SLC5A4: variants seen among roughly 807,000 people sequenced by gnomAD.
SLC5A4 encodes solute carrier family 5 member 4, also known as probable glucose sensor protein SLC5A4.
A neutral mutation model predicts 70.3 loss-of-function variants in SLC5A4; 55 were observed. The observed-to-expected ratio is 0.78, with a 90% CI of 0.63 to 0.98. SLC5A4 has a LOEUF of 0.98. SLC5A4 is among the 50% of genes least tolerant of loss of function. SLC5A4 has a pLI of 0.00. For synonymous variants in SLC5A4, 268 were observed against 305.7 expected (o/e 0.88, Z 1.29); for missense variants, 735 against 839.2 (o/e 0.88, Z 1.53).
intron 6 of SLC5A4, among the ~76,000 whole-genome samples, chr22:32,238,528 A>T (rs1569373849): frequency 6.6e-6 from 1 of 152,128 alleles, no homozygotes; most frequent in Admixed American, 6.5e-5. Context: ...ATTGTCACAG[A>T]TCGTCTCCCG....
chr22:32,307,563 G>A, the SLC5A4 span, among the ~76,000 whole-genome samples: 2 of 152,188 alleles, frequency 1.3e-5, no homozygotes, highest in East Asian at 3.9e-4. Flanking sequence ...GTCATTGAAT[G>A]GGTTTTCTAG....
intron 11 of SLC5A4, among the ~76,000 whole-genome samples, chr22:32,226,341 C>T (rs542716682): frequency 2.0e-5 from 3 of 152,152 alleles, no homozygotes; most frequent in African/African-American, 2.4e-5. Context: ...AGGTAAAAAG[C>T]GTGTTAAAGG....
intron 1 of SLC5A4, 70 bp downstream of exon 1, chr22:32,255,125 C>A: frequency 7.0e-7 from 1 of 1,426,840 alleles, no homozygotes; most frequent in Non-Finnish European, 9.8e-7. Context: ...ACAACCACAC[C>A]CCTTCCCCCC....
the SLC5A4 span, among the ~76,000 whole-genome samples, chr22:32,322,327 C>G: frequency 6.6e-5 from 10 of 152,170 alleles, no homozygotes; most frequent in African/African-American, 2.2e-4. Flanking sequence ...CAGTGGCTCA[C>G]GCCTGTAATC....
At chr22:32,241,517 T>A (rs142541081) in intron 5 of SLC5A4, among the ~76,000 whole-genome samples, 1 of 152,284 alleles carries the variant, frequency 6.6e-6, no homozygotes, top group East Asian at 1.9e-4. Flanking sequence ...GGCGAGGCAA[T>A]TCGGAAATAA....
the SLC5A4 span, among the ~76,000 whole-genome samples, chr22:32,276,385 C>T: frequency 9.2e-5 from 14 of 152,208 alleles, no homozygotes; most frequent in Non-Finnish European, 2.1e-4. Context: ...AAATTGAATA[C>T]GGCTGACAAG....
intron 5 of SLC5A4, among the ~76,000 whole-genome samples, chr22:32,239,561 T>A (rs1222263181): frequency 2.4e-4 from 5 of 21,014 alleles, no homozygotes; most frequent in Non-Finnish European, 3.6e-4. Flanking sequence ...TATATATATA[T>A]ATATATATTT....
chr22:32,240,791 A>G (rs535454643), intron 5 of SLC5A4, among the ~76,000 whole-genome samples: 1 of 152,218 alleles, frequency 6.6e-6, no homozygotes, highest in South Asian at 2.1e-4. Context: ...TCACCCAGAT[A>G]GAAAGTGGTA....
At chr22:32,326,384 G>T in the SLC5A4 span, among the ~76,000 whole-genome samples, 2 of 151,524 alleles carry the variant, frequency 1.3e-5, no homozygotes, top group African/African-American at 4.9e-5. Context: ...AGCCTCCCAA[G>T]TAGTAGGGAT....
chr22:32,335,827 C>T, the SLC5A4 span, among the ~76,000 whole-genome samples: 10 of 152,016 alleles, frequency 6.6e-5, no homozygotes, highest in African/African-American at 9.7e-5. Flanking sequence ...ACCTCTGGGA[C>T]CCCTTAGAAG....
At chr22:32,222,425 C>T (rs1478962313) in intron 13 of SLC5A4, among the ~76,000 whole-genome samples, 2 of 152,086 alleles carry the variant, frequency 1.3e-5, no homozygotes, top group African/African-American at 4.8e-5. Context: ...TCTGAAATAA[C>T]CATGATATTT....
the SLC5A4 span, among the ~76,000 whole-genome samples, chr22:32,330,923 CCTCTGGTGTGTATGTGTTGGAGG>C: frequency 2.0e-4 from 5 of 25,130 alleles, 1 homozygote; most frequent in Admixed American, 5.8e-4. Flanking sequence ...GTGTTGGAGG[CCTCTGGTGTGTATGTGTTGGAGG>C]CTCTGGTGTG....
chr22:32,326,764 A>G, the SLC5A4 span, among the ~76,000 whole-genome samples: 1 of 152,168 alleles, frequency 6.6e-6, no homozygotes. Context: ...GAGGGAGATG[A>G]GGCTGGATTA....
the SLC5A4 span, chr22:32,271,576 C>T: frequency 1.4e-6 from 1 of 700,524 alleles, no homozygotes; most frequent in South Asian, 1.5e-5. Flanking sequence ...GGGCCCGGGG[C>T]CGCGTGGCGT....
chr22:32,337,307 C>T, the SLC5A4 span, among the ~76,000 whole-genome samples: 1 of 152,190 alleles, frequency 6.6e-6, no homozygotes, highest in African/African-American at 2.4e-5. Context: ...CCAAGGCAGG[C>T]GGATTGCCTG....
chr22:32,330,956 G>GTC, the SLC5A4 span, among the ~76,000 whole-genome samples: 1 of 12,088 alleles, frequency 8.3e-5, no homozygotes. Context: ...GCTCTGGTGT[G>GTC]TGTGTGTTGG....
chr22:32,343,838 GGAGT>G, the SLC5A4 span, among the ~76,000 whole-genome samples: 1 of 152,152 alleles, frequency 6.6e-6, no homozygotes, highest in Admixed American at 6.5e-5. Context: ...CACATTTTAA[GGAGT>G]GAGTCAGAAG....
intron 12 of SLC5A4, 98 bp downstream of exon 12, chr22:32,225,557 C>A (rs1925342248): frequency 4.0e-6 from 3 of 754,056 alleles, no homozygotes; most frequent in Non-Finnish European, 6.7e-6. Context: ...CCATGATTTG[C>A]ATAAATAGGG....
At chr22:32,308,446 G>C in the SLC5A4 span, among the ~76,000 whole-genome samples, 3 of 148,834 alleles carry the variant, frequency 2.0e-5, no homozygotes, top group Admixed American at 2.0e-4. Flanking sequence ...ACCTGACCTG[G>C]ACAGCGGCCT....
Sources: gnomAD v4.1 joint callset for allele counts (sites outside exome capture counted in the v4.1 genomes callset) on GRCh38, gnomAD v4.1.1 for gene constraint, MANE v1.5 for transcripts, NCBI Gene and HGNC (gene_info 2026-07-23, HGNC 2026-07-21) for gene names.